Variants in PRCP observed in about 807,000 individuals in gnomAD.
The protein encoded by PRCP is lysosomal Pro-X carboxypeptidase.
Under a neutral mutation model 54.2 loss-of-function variants are expected in PRCP, and 46 were observed. The observed-to-expected ratio is 0.85, with a 90% CI of 0.67 to 1.09. The LOEUF is 1.09. Ranked by LOEUF, PRCP falls within the 50% of genes least tolerant of loss-of-function variation. The probability of loss-of-function intolerance (pLI) is 0.00; values close to 1 mark genes in which losing one functional copy is unlikely to be tolerated. For synonymous variants in PRCP, 240 were observed against 212.2 expected, an observed-to-expected ratio of 1.13 and a Z score of -1.14; for missense variants, 613 against 596.8, an observed-to-expected ratio of 1.03 and a Z score of -0.28.
intron 1 of PRCP, among the ~76,000 whole-genome samples, chr11:82,899,585 G>A (rs1490525400): frequency 6.6e-6 from 1 of 152,152 alleles, no homozygotes; most frequent in Non-Finnish European, 1.5e-5. Flanking sequence ...CAAGCACAAA[G>A]GCATCAAGCC....
intron 8 of PRCP, chr11:82,828,949 C>G (rs1858310065): frequency 6.6e-6 from 1 of 152,172 alleles, no homozygotes; most frequent in East Asian, 1.9e-4. Flanking sequence ...TTTTTGGTCT[C>G]ACTCTTTAAT....
intron 2 of PRCP, among the ~76,000 whole-genome samples, chr11:82,857,491 C>T (rs904146879): frequency 6.6e-6 from 1 of 152,032 alleles, no homozygotes; most frequent in African/African-American, 2.4e-5. Flanking sequence ...CTAGAACCAT[C>T]TATATCTGGT....
intron 1 of PRCP, among the ~76,000 whole-genome samples, chr11:82,889,711 A>G (rs1452122927): frequency 6.6e-6 from 1 of 152,256 alleles, no homozygotes; most frequent in Non-Finnish European, 1.5e-5. Context: ...TAACACATAG[A>G]CAGGAAAGGA....
chr11:82,858,390 C>T (rs966774724), intron 2 of PRCP: 3 of 152,216 alleles, frequency 2.0e-5, no homozygotes, highest in Non-Finnish European at 4.4e-5. Context: ...AAATTAATGT[C>T]CAGCAGTGAA....
intron 8 of PRCP, chr11:82,829,990 A>G (rs1158946555): frequency 4.6e-5 from 7 of 152,232 alleles, no homozygotes; most frequent in Non-Finnish European, 1.0e-4. Context: ...CAGTAGATCT[A>G]CGTTGTACAT....
intron 8 of PRCP, chr11:82,835,817 G>A (rs2121083202): frequency 1.0e-5 from 5 of 501,892 alleles, no homozygotes; most frequent in South Asian, 5.9e-5. Context: ...TCAAGAACCA[G>A]ATGAACCAGA....
At chr11:82,894,272 C>T (rs1334039307) in intron 1 of PRCP, among the ~76,000 whole-genome samples, 2 of 151,950 alleles carry the variant, frequency 1.3e-5, no homozygotes, top group African/African-American at 4.8e-5. Context: ...ATCAACTATG[C>T]AATATTATAA....
chr11:82,865,455 T>C (rs1221733815), intron 1 of PRCP, among the ~76,000 whole-genome samples: 1 of 152,264 alleles, frequency 6.6e-6, no homozygotes, highest in African/African-American at 2.4e-5. Context: ...CTACTATTGC[T>C]AACTCCATTA....
chr11:82,900,439 G>T, upstream of PRCP: 1 of 1,602,132 alleles, frequency 6.2e-7, no homozygotes, highest in Non-Finnish European at 8.5e-7. Context: ...GTGGGAGGGC[G>T]AAAAGGAGGC....
chr11:82,889,469 G>A (rs1298364421), intron 1 of PRCP, among the ~76,000 whole-genome samples: 4 of 152,152 alleles, frequency 2.6e-5, no homozygotes, highest in African/African-American at 4.8e-5. Context: ...AAGAGGAAGC[G>A]AGAAGAAGGA....
At chr11:82,845,170 G>C (rs1858777117) in intron 6 of PRCP, among the ~76,000 whole-genome samples, 1 of 152,148 alleles carries the variant, frequency 6.6e-6, no homozygotes, top group African/African-American at 2.4e-5. Context: ...AGAAATAGTT[G>C]AGAAAATAGA....
intron 8 of PRCP, chr11:82,827,705 C>T (rs922118726): frequency 2.0e-5 from 3 of 152,112 alleles, no homozygotes; most frequent in Non-Finnish European, 2.9e-5. Context: ...TCTTCAAGTT[C>T]GTTCTTCCTT....
intron 1 of PRCP, among the ~76,000 whole-genome samples, chr11:82,879,094 G>C (rs1484469434): frequency 6.6e-6 from 1 of 152,142 alleles, no homozygotes; most frequent in East Asian, 1.9e-4. Context: ...TGCTAGGTTT[G>C]GGAAGTTCTC....
chr11:82,858,636 A>G (rs896651442), intron 2 of PRCP: 9 of 152,218 alleles, frequency 5.9e-5, no homozygotes, highest in African/African-American at 1.7e-4. Context: ...CCTATAATAC[A>G]AGAGAATGGA....
intron 1 of PRCP, among the ~76,000 whole-genome samples, chr11:82,889,799 G>T (rs1306187647): frequency 6.6e-6 from 1 of 152,178 alleles, no homozygotes; most frequent in Non-Finnish European, 1.5e-5. Context: ...AAATGCTACA[G>T]GATTTTGTTC....
chr11:82,845,390 T>TG (rs369514733), intron 6 of PRCP, among the ~76,000 whole-genome samples: 1 of 151,814 alleles, frequency 6.6e-6, no homozygotes, highest in Admixed American at 6.6e-5. Flanking sequence ...GAAGATATGT[T>TG]GGGGGAAAAA....
chr11:82,876,569 C>A (rs116951891), intron 1 of PRCP, among the ~76,000 whole-genome samples: 1 of 152,256 alleles, frequency 6.6e-6, no homozygotes, highest in African/African-American at 2.4e-5. Context: ...GGGGGCCAGT[C>A]TTTCTTGTGC....
intron 6 of PRCP, among the ~76,000 whole-genome samples, chr11:82,847,632 G>T (rs1265670695): frequency 6.6e-6 from 1 of 151,978 alleles, no homozygotes; most frequent in Admixed American, 6.6e-5. Context: ...TTTGACGCAG[G>T]ATCTAGCTCT....
At chr11:82,890,312 T>C (rs1345321327) in intron 1 of PRCP, among the ~76,000 whole-genome samples, 1 of 152,182 alleles carries the variant, frequency 6.6e-6, no homozygotes, top group East Asian at 1.9e-4. Flanking sequence ...CTTATTTTGC[T>C]GGGAAAAGGG....
Sources: gnomAD v4.1 joint callset for allele counts (sites outside exome capture counted in the v4.1 genomes callset) on GRCh38, gnomAD v4.1.1 for gene constraint, MANE v1.5 for transcripts, NCBI Gene and HGNC (gene_info 2026-07-23, HGNC 2026-07-21) for gene names.